FHOD3: variants seen among roughly 807,000 people sequenced by gnomAD.
FHOD3 encodes formin homology 2 domain containing 3, also known as FH1/FH2 domain-containing protein 3.
Under a neutral mutation model 173.0 loss-of-function variants are expected in FHOD3, and 90 were observed. The ratio of observed to expected loss-of-function variants is 0.52; its 90% CI spans 0.44 to 0.62. FHOD3 has a LOEUF of 0.62. Among genes scored for constraint, FHOD3 ranks in the 20% least tolerant of loss-of-function variants. The pLI, the probability that FHOD3 is intolerant of heterozygous loss-of-function variation, is 0.00. For missense variants in FHOD3, 1,945 were observed against 2,034.7 expected, an observed-to-expected ratio of 0.96 and a Z score of 0.85; for synonymous variants, 828 against 823.0, an observed-to-expected ratio of 1.01 and a Z score of -0.10.
At position 36,582,851 on chromosome 18, in the gene FHOD3, GC is replaced by G. The variant is rs1250895999; in HGVS notation, c.606+6308del. On this transcript the variant is annotated intron_variant, in intron 6 of 28. Coordinates refer to ENST00000590592, the MANE Select transcript of FHOD3 (RefSeq NM_001281740.3). ...TCCGTTTGAACCGGTAATCCACTAA[GC>G]CTTCCGGATTTTTGTCACACATTTT... Among the ~76,000 whole-genome samples, 5 of 152,276 alleles carry G rather than the reference GC, an allele frequency of 3.3e-5. No homozygotes were observed. In the East Asian group the frequency reaches 9.6e-4, roughly 29 times the overall value.
At chr18:36,307,112 C>T (rs576954594) in intron 1 of FHOD3, among the ~76,000 whole-genome samples, 11 of 151,916 alleles carry the variant, frequency 7.2e-5, no homozygotes, top group South Asian at 2.1e-4. Flanking sequence ...TACAGGCATG[C>T]GCCACCATGC....
At position 36,374,914 on chromosome 18, in the gene FHOD3, C is replaced by T. The variant is rs951080389; in HGVS notation, c.337+2170C>T. ...AGCTTTTACCATTAATTGCCTTAGG[C>T]CTGATTATGTCAGATGAGAGGATTT... On this transcript the variant is annotated intron_variant, in intron 3 of 28. Coordinates refer to ENST00000590592, the MANE Select transcript of FHOD3 (RefSeq NM_001281740.3). Among the ~76,000 whole-genome samples the T allele has an allele frequency of 4.6e-5, 7 of 152,152 alleles. No homozygotes were observed. In the East Asian group the frequency reaches 5.8e-4, roughly 13 times the overall value.
At chr18:36,698,911 C>T (rs1180330661) in intron 17 of FHOD3, among the ~76,000 whole-genome samples, 1 of 152,182 alleles carries the variant, frequency 6.6e-6, no homozygotes, top group African/African-American at 2.4e-5. Flanking sequence ...GGGAAAGGAA[C>T]CCTGAGCCTT....
At chr18:36,540,097 GT>G (rs2057147989) in intron 5 of FHOD3, among the ~76,000 whole-genome samples, 2 of 152,198 alleles carry the variant, frequency 1.3e-5, no homozygotes, top group South Asian at 4.1e-4. Flanking sequence ...AAATGCAGGC[GT>G]GGGGTGGAGG....
rs115651576 is a variant in FHOD3, at chr18:36,349,288, T to C, written c.166-6251T>C. On this transcript the variant is annotated intron_variant, in intron 1 of 28. Transcript: ENST00000590592. ...AGCAAGAGAGGGCAGCCCCAGTCTCTGCCAGGTCACACGTGACACTGTCCA... is the reference window on the plus strand; with the variant it reads ...AGCAAGAGAGGGCAGCCCCAGTCTCCGCCAGGTCACACGTGACACTGTCCA... Among the ~76,000 whole-genome samples the C allele has an allele frequency of 8.3e-3, 1,264 of 152,292 alleles. 13 individuals carry two copies. Among genetic ancestry groups the C allele is most frequent in the African/African-American group, 0.028 (1,177 of 41,550 alleles).
chr18:36,414,092 CA>C (rs1287251732), intron 3 of FHOD3, among the ~76,000 whole-genome samples: 1 of 152,138 alleles, frequency 6.6e-6, no homozygotes, highest in Non-Finnish European at 1.5e-5. Context: ...TTCAGCTGAG[CA>C]CATTTAACTC....
At chr18:36,399,516 C>T (rs1205204607) in intron 3 of FHOD3, among the ~76,000 whole-genome samples, 1 of 152,160 alleles carries the variant, frequency 6.6e-6, no homozygotes, top group Non-Finnish European at 1.5e-5. Context: ...TTTGAGGTCC[C>T]CATCTTGTCC....
chr18:36,616,456 C>T (rs1230823829), intron 9 of FHOD3, among the ~76,000 whole-genome samples: 1 of 152,178 alleles, frequency 6.6e-6, no homozygotes, highest in African/African-American at 2.4e-5. Flanking sequence ...TCCAGCCTAC[C>T]TGCCTCTTAA....
intron 3 of FHOD3, among the ~76,000 whole-genome samples, chr18:36,397,301 TG>T (rs1474075779): frequency 6.6e-6 from 1 of 152,242 alleles, no homozygotes; most frequent in Non-Finnish European, 1.5e-5. Context: ...TACTCTCTGC[TG>T]AACAGATAAT....
At chr18:36,392,561 A>G (rs561669814) in intron 3 of FHOD3, among the ~76,000 whole-genome samples, 1 of 152,294 alleles carries the variant, frequency 6.6e-6, no homozygotes, top group South Asian at 2.1e-4. Flanking sequence ...AGGAAAGTCT[A>G]CTTCCTGCCC....
chr18:36,734,496 A>C (rs1366392563), intron 20 of FHOD3, among the ~76,000 whole-genome samples: 1 of 151,992 alleles, frequency 6.6e-6, no homozygotes, highest in Non-Finnish European at 1.5e-5. Flanking sequence ...GAGACTGTGT[A>C]GATCTCTCAG....
intron 10 of FHOD3, among the ~76,000 whole-genome samples, chr18:36,641,415 T>C (rs2035297376): frequency 6.6e-6 from 1 of 152,214 alleles, no homozygotes; most frequent in Non-Finnish European, 1.5e-5. Flanking sequence ...TCAGTAGACA[T>C]GTTGCACAAG....
At chr18:36,453,316 C>A (rs1163287750) in intron 3 of FHOD3, among the ~76,000 whole-genome samples, 1 of 152,156 alleles carries the variant, frequency 6.6e-6, no homozygotes, top group Non-Finnish European at 1.5e-5. Flanking sequence ...TTTTGGTTCC[C>A]CAACACTAAA....
chr18:36,716,906 A>G (rs926969653), intron 18 of FHOD3, among the ~76,000 whole-genome samples: 5 of 144,034 alleles, frequency 3.5e-5, no homozygotes, highest in African/African-American at 1.4e-4. Flanking sequence ...GGGAAATTAT[A>G]TATGTGTATG....
intron 9 of FHOD3, among the ~76,000 whole-genome samples, chr18:36,623,923 T>C (rs1384044622): frequency 2.0e-5 from 3 of 152,246 alleles, no homozygotes; most frequent in African/African-American, 7.2e-5. Flanking sequence ...TGAGGGCAGC[T>C]GATTTTGCAA....
chr18:36,763,779 A>C (rs1457447839), intron 27 of FHOD3, among the ~76,000 whole-genome samples: 1 of 152,020 alleles, frequency 6.6e-6, no homozygotes, highest in African/African-American at 2.4e-5. Flanking sequence ...CCAGTGTTAC[A>C]CCAACTGAGG....
At chr18:36,434,543 G>T (rs1437586892) in intron 3 of FHOD3, among the ~76,000 whole-genome samples, 1 of 151,980 alleles carries the variant, frequency 6.6e-6, no homozygotes, top group Non-Finnish European at 1.5e-5. Context: ...TATGCCCTTT[G>T]TATTTCTATA....
intron 17 of FHOD3, among the ~76,000 whole-genome samples, chr18:36,696,400 G>A (rs1416759221): frequency 6.6e-6 from 1 of 152,226 alleles, no homozygotes; most frequent in Non-Finnish European, 1.5e-5. Context: ...TGCCTCAGGA[G>A]TACAGGTCCC....
Position 36,611,984 on chromosome 18 carries a change from C to T in FHOD3, c.846C>T (p.Phe282=). 2 of 1,614,158 alleles carry T rather than the reference C, an allele frequency of 1.2e-6. No individual in the cohort carries two copies. The highest frequency in any genetic ancestry group is 1.3e-5 in the African/African-American group (1 of 75,062). ...CAGGACTACCAGACCAAGACACCTT[C>T]TACGACGTCGTGGACTGCCTGGAGG... ...TLSGLPDQDT[F]YDVVDCLEEL... Residue 282 remains phenylalanine, a synonymous_variant, in exon 9 of 29, where the codon TTC becomes TTT. Transcript: ENST00000590592.
Sources: allele counts gnomAD v4.1 joint callset (sites outside exome capture counted in the v4.1 genomes callset), GRCh38; gene constraint gnomAD v4.1.1; transcripts MANE v1.5; gene names NCBI Gene and HGNC (gene_info 2026-07-23, HGNC 2026-07-21).